ANGEL1: variants seen among roughly 807,000 people sequenced by gnomAD.
ANGEL1 encodes the protein RNA 2',3'-cyclic phosphatase ANGEL1.
A neutral mutation model predicts 76.4 loss-of-function variants in ANGEL1; 62 were observed. The observed-to-expected ratio is 0.81, with a 90% CI of 0.66 to 1.00. The LOEUF is 1.00. Ranked by LOEUF, ANGEL1 falls within the 50% of genes least tolerant of loss-of-function variation. The pLI, the probability that ANGEL1 is intolerant of heterozygous loss-of-function variation, is 0.00. For missense variants in ANGEL1, 737 were observed against 836.7 expected (o/e 0.88, Z 1.47); for synonymous variants, 340 against 331.7 (o/e 1.03, Z -0.27).
At chr14:76,791,252 AG>A in intron 8 of ANGEL1, 44 bp downstream of exon 8, 2 of 1,602,004 alleles carry the variant, frequency 1.2e-6, no homozygotes, top group Non-Finnish European at 1.7e-6. Context: ...TCTTACACCT[AG>A]GCAAGGGCTG....
rs779544369 is a variant in ANGEL1, at chr14:76,809,411, T to C, written c.297A>G (p.Gly99=). ...SSLALLMDNP[G]EENAASEDRW... ...TGTCCTCTGAAGCAGCATTCTCTTCTCCAGGATTATCCATCAGAAGTGCCA... is the reference window on the plus strand; with the variant it reads ...TGTCCTCTGAAGCAGCATTCTCTTCCCCAGGATTATCCATCAGAAGTGCCA... Residue 99 remains glycine, a synonymous_variant, in exon 2 of 10, where the codon GGA becomes GGG. Transcript: ENST00000251089. 3 of 1,614,220 alleles carry C rather than the reference T, an allele frequency of 1.9e-6. No homozygotes were observed. The highest frequency in any genetic ancestry group is 1.7e-6 in the Non-Finnish European group (2 of 1,180,044).
At position 76,790,761 on chromosome 14, in the gene ANGEL1, T is replaced by A; in HGVS notation, c.1702A>T (p.Ile568Phe). 6.2e-7 allele frequency: 1 copy of A among 1,613,470 alleles called. No individual in the cohort carries two copies. Among genetic ancestry groups the A allele is most frequent in the Non-Finnish European group, 8.5e-7 (1 of 1,179,616 alleles). Residue 568 changes from isoleucine (I) to phenylalanine (F), a missense_variant, in exon 9 of 10, where the codon ATC (isoleucine) becomes TTC (phenylalanine). Around this residue, in one of 2 missense-constraint regions of ANGEL1, gnomAD observed 296 missense variants for 387.2 expected, o/e 0.76. Coordinates refer to ENST00000251089, the MANE Select transcript of ANGEL1 (RefSeq NM_015305.4). ...GACGTCAGGTGGAGGCAGTGCTGGA[T>A]GGTACCTACAGTCCTACAGGGATGA... is the stretch of plus-strand genomic sequence containing the variant. ...EPAFSRTVGT[I>F]QHCLHLTSVY...
Position 76,808,160 on chromosome 14 carries a change from T to A in ANGEL1, c.650-12A>T, listed in dbSNP as rs747539090. On this transcript the variant is annotated splice_polypyrimidine_tract_variant and intron_variant, in intron 2 of 9. Coordinates refer to ENST00000251089, the MANE Select transcript of ANGEL1 (RefSeq NM_015305.4). ...TCGCCACAAAATTTCTGCAAAGGAT[T>A]GGGAGAAGCACTCAATGGCAAGTAT... 1 of 1,611,444 alleles carries A rather than the reference T, an allele frequency of 6.2e-7. No homozygotes were observed. Among genetic ancestry groups the A allele is most frequent in the South Asian group, 1.1e-5 (1 of 90,674 alleles).
intron 7 of ANGEL1, among the ~76,000 whole-genome samples, chr14:76,799,525 C>A (rs1595300448): frequency 6.6e-6 from 1 of 151,988 alleles, no homozygotes; most frequent in East Asian, 1.9e-4. Context: ...GATCTCCTGA[C>A]CTCATGATCC....
At chr14:76,799,774 T>C (rs1419563624) in intron 7 of ANGEL1, among the ~76,000 whole-genome samples, 2 of 152,082 alleles carry the variant, frequency 1.3e-5, no homozygotes, top group East Asian at 3.9e-4. Flanking sequence ...CATGGTATCA[T>C]GTGCCTATAG....
At chr14:76,811,533 GGC>G (rs1265235824) in intron 1 of ANGEL1, among the ~76,000 whole-genome samples, 2,435 of 129,072 alleles carry the variant, frequency 0.019, 102 homozygotes, top group African/African-American at 0.025. Flanking sequence ...GGGCGGGGGG[GGC>G]CCTCCTCTGA....
chr14:76,808,875 T>G (rs1894999861), intron 2 of ANGEL1, among the ~76,000 whole-genome samples, 184 bp downstream of exon 2: 1 of 152,182 alleles, frequency 6.6e-6, no homozygotes, highest in African/African-American at 2.4e-5. Flanking sequence ...TATTTCACCT[T>G]TAAAACCATG....
Position 76,812,837 on chromosome 14 carries a change from C to T in ANGEL1, c.-10G>A. 1 of 1,507,492 alleles carries T rather than the reference C, an allele frequency of 6.6e-7. No homozygotes were observed. Among genetic ancestry groups the T allele is most frequent in the East Asian group, 2.6e-5 (1 of 37,904 alleles). 93.4% of individuals were successfully genotyped at this position (1,507,492 alleles called of 1,614,324 possible). On this transcript the variant is annotated 5_prime_UTR_variant, in exon 1 of 10. Transcript: ENST00000251089. ...AGCACGACGCGATCATGGCCGGCCG[C>T]CCGCGCCCGCCTCCGCTCCTCACTG... is the stretch of plus-strand genomic sequence containing the variant.
intron 7 of ANGEL1, among the ~76,000 whole-genome samples, chr14:76,794,310 A>G (rs1894508986): frequency 6.6e-6 from 1 of 151,948 alleles, no homozygotes; most frequent in Non-Finnish European, 1.5e-5. Flanking sequence ...AAAGCTGTTC[A>G]AAAAAAAGGA....
intron 7 of ANGEL1, among the ~76,000 whole-genome samples, chr14:76,801,467 T>C (rs1894762767): frequency 6.6e-6 from 1 of 152,188 alleles, no homozygotes; most frequent in Non-Finnish European, 1.5e-5. Context: ...TTCACATCTT[T>C]TCGTTTTGGG....
In ANGEL1 at chr14:76,789,145, T is replaced by C. The variant is rs1042176969; in HGVS notation, c.*83A>G. The stretch of plus-strand genomic sequence containing the variant: ...GGGATGTAAGTTTCTTGGATCTAAG[T>C]TTCTAGATGCATGGGATTTTTCCAC... On this transcript the variant is annotated 3_prime_UTR_variant, in exon 10 of 10. Transcript: ENST00000251089. The C allele has an allele frequency of 1.2e-4, 184 of 1,530,664 alleles. No individual in the cohort carries two copies. Among genetic ancestry groups the C allele is most frequent in the Non-Finnish European group, 1.5e-4 (169 of 1,129,508 alleles). 94.8% of individuals were successfully genotyped at this position (1,530,664 alleles called of 1,614,324 possible). A position where few individuals can be genotyped will look rare whatever the true frequency, so the allele number is the denominator to read the frequency against.
chr14:76,789,384 G>A lies in ANGEL1; in HGVS notation c.1857C>T (p.His619=). The change falls in exon 10 of 10, where the codon CAC becomes CAT. Residue 619 remains histidine (H), a synonymous_variant. Coordinates refer to ENST00000251089, the MANE Select transcript of ANGEL1 (RefSeq NM_015305.4). The part of the protein sequence containing the change: ...ESCENGNRTD[H]RLYRDGTLKL... Reference sequence around the variant, plus strand: ...TGAGAGTTCCATCTCGATACAGCCTGTGATCTGGGGCACAAAGCAGAAGCC... The same window carrying A: ...TGAGAGTTCCATCTCGATACAGCCTATGATCTGGGGCACAAAGCAGAAGCC... 2 of 1,614,156 alleles carry A rather than the reference G, an allele frequency of 1.2e-6. No individual in the cohort carries two copies. The highest frequency in any genetic ancestry group is 1.7e-6 in the Non-Finnish European group (2 of 1,180,004).
chr14:76,810,299 T>C (rs1206831011), intron 1 of ANGEL1: 1 of 440,648 alleles, frequency 2.3e-6, no homozygotes. Context: ...CACATGCCCA[T>C]GGTCCTAGCT....
In ANGEL1 at chr14:76,808,155, A is replaced by G. The variant is rs772148086; in HGVS notation, c.650-7T>C. The stretch of plus-strand genomic sequence containing the variant: ...CATTCTCGCCACAAAATTTCTGCAA[A>G]GGATTGGGAGAAGCACTCAATGGCA... On this transcript the variant is annotated splice_region_variant and splice_polypyrimidine_tract_variant and intron_variant, in intron 2 of 9. Coordinates refer to ENST00000251089, the MANE Select transcript of ANGEL1 (RefSeq NM_015305.4). 1.8e-5 allele frequency: 29 copies of G among 1,612,318 alleles called. No homozygotes were observed. Among genetic ancestry groups the G allele is most frequent in the Non-Finnish European group, 2.5e-5 (29 of 1,179,344 alleles).
rs946975414 is a variant in ANGEL1 at position 76,799,908 on chromosome 14, A to G, written c.1618+3463T>C. ...GTGAAACAGTGAGACTCTGTCATGA[A>G]AAAAAAAAAAAAAAAAATTAGATTT... is the stretch of plus-strand genomic sequence containing the variant. On this transcript the variant is annotated intron_variant, in intron 7 of 9. Coordinates refer to ENST00000251089, the MANE Select transcript of ANGEL1 (RefSeq NM_015305.4). 3.8e-5 allele frequency among the ~76,000 whole-genome samples: 2 copies of G among 52,166 alleles called. 1 individual carries two copies. The highest frequency in any genetic ancestry group is 3.8e-4 in the Admixed American group (2 of 5,290). 34.2% of individuals were successfully genotyped at this position (52,166 alleles called of 152,430 possible).
chr14:76,810,417 C>CAA (rs1183103172), intron 1 of ANGEL1, among the ~76,000 whole-genome samples: 2 of 114,772 alleles, frequency 1.7e-5, no homozygotes, highest in Non-Finnish European at 3.6e-5. Flanking sequence ...GACCTCATCT[C>CAA]AAAAAAAAAA....
At chr14:76,805,349 C>G (rs1894887693) in intron 5 of ANGEL1, among the ~76,000 whole-genome samples, 2 of 152,342 alleles carry the variant, frequency 1.3e-5, no homozygotes, top group South Asian at 4.1e-4. Flanking sequence ...ATGTGGCAGG[C>G]AGTCAGTAAA....
In ANGEL1 at chr14:76,812,822, G is replaced by C. The variant is rs752281163; in HGVS notation, c.6C>G (p.Ile2Met). 6.6e-7 allele frequency: 1 copy of C among 1,513,356 alleles called. No homozygotes were observed. The highest frequency in any genetic ancestry group is 8.8e-7 in the Non-Finnish European group (1 of 1,135,034). 93.7% of individuals were successfully genotyped at this position (1,513,356 alleles called of 1,614,324 possible). The change falls in exon 1 of 10, where the codon ATC becomes ATG. Residue 2 changes from isoleucine to methionine, a missense_variant. This residue lies in a region of ANGEL1 where 441 missense variants were observed against 449.5 expected (regional missense o/e 0.98). Coordinates refer to ENST00000251089, the MANE Select transcript of ANGEL1 (RefSeq NM_015305.4). Reference sequence around the variant, plus strand: ...GCAGCAGGTAACACAAGCACGACGCGATCATGGCCGGCCGCCCGCGCCCGC... The same window carrying C: ...GCAGCAGGTAACACAAGCACGACGCCATCATGGCCGGCCGCCCGCGCCCGC... M[I>M]ASCLCYLLLP...
chr14:76,794,409 C>T (rs1213003648), intron 7 of ANGEL1, among the ~76,000 whole-genome samples: 1 of 152,104 alleles, frequency 6.6e-6, no homozygotes, highest in Non-Finnish European at 1.5e-5. Flanking sequence ...CAGTGGCTCA[C>T]GCCTGTAATC....
Sources: gnomAD v4.1 joint callset for allele counts (sites outside exome capture counted in the v4.1 genomes callset) on GRCh38, gnomAD v4.1.1 for gene constraint, gnomAD v4.1.1 regional missense constraint, MANE v1.5 for transcripts, NCBI Gene and HGNC (gene_info 2026-07-23, HGNC 2026-07-21) for gene names.